The following DMXL2 variants were observed in gnomAD, a reference collection of about 807,000 sequenced individuals.
The protein encoded by DMXL2 is dmX-like protein 2.
A neutral mutation model predicts 331.1 loss-of-function variants in DMXL2; 103 were observed. That is an observed-to-expected ratio of 0.31 (90% CI 0.27 to 0.37). DMXL2 has a LOEUF of 0.37. Among genes scored for constraint, DMXL2 ranks in the 10% least tolerant of loss-of-function variants. The pLI is 1.00. For synonymous variants in DMXL2, 1,281 were observed against 1,252.1 expected (o/e 1.02, Z -0.49); for missense variants, 3,171 against 3,642.9 (o/e 0.87, Z 3.33).
At chr15:51,455,402 T>A (rs1415479238) in intron 39 of DMXL2, among the ~76,000 whole-genome samples, 174 bp from the exon 40 acceptor site, 1 of 152,206 alleles carries the variant, frequency 6.6e-6, no homozygotes, top group Non-Finnish European at 1.5e-5. Context: ...GTCACTTTTT[T>A]TTTAAATTTT....
At chr15:51,618,129 AC>A (rs985618852) in intron 1 of DMXL2, among the ~76,000 whole-genome samples, 1 of 152,144 alleles carries the variant, frequency 6.6e-6, no homozygotes, top group African/African-American at 2.4e-5. Flanking sequence ...CATGTTTCTA[AC>A]CAACCCCTTG....
At position 51,538,378 on chromosome 15, in the gene DMXL2, T is replaced by G. The variant is rs2048399328; in HGVS notation, c.1180A>C (p.Asn394His). ...GATGTAAAATGAAATTCCTTGTTGT[T>G]TAACCAATGAACTACAAAGCCCCCA... is the stretch of plus-strand genomic sequence containing the variant. ...GNGGFVVHWLNNKEFHFTSST... is the reference protein window; with the variant it reads ...GNGGFVVHWLHNKEFHFTSST... Residue 394 changes from asparagine to histidine, a missense_variant, in exon 10 of 44, where the codon AAC (asparagine) becomes CAC (histidine). Transcript: ENST00000560891. The G allele has an allele frequency of 6.2e-7, 1 of 1,613,450 alleles. No homozygotes were observed. The highest frequency in any genetic ancestry group is 1.3e-5 in the African/African-American group (1 of 74,910).
chr15:51,552,198 C>T (rs1027046427), intron 6 of DMXL2, among the ~76,000 whole-genome samples: 5 of 152,176 alleles, frequency 3.3e-5, no homozygotes, highest in African/African-American at 1.2e-4. Flanking sequence ...CAGAGCCTCA[C>T]AGGCCATGGT....
chr15:51,512,640 A>T (rs1234331498), intron 15 of DMXL2, among the ~76,000 whole-genome samples: 1 of 151,870 alleles, frequency 6.6e-6, no homozygotes, highest in Non-Finnish European at 1.5e-5. Context: ...TAAAACTCTG[A>T]CTCTAGTAAT....
intron 8 of DMXL2, among the ~76,000 whole-genome samples, chr15:51,545,180 C>T (rs2048823405): frequency 6.6e-6 from 1 of 151,948 alleles, no homozygotes; most frequent in Non-Finnish European, 1.5e-5. Context: ...TTAACTAGAA[C>T]AATAAGATTT....
intron 6 of DMXL2, among the ~76,000 whole-genome samples, chr15:51,560,259 A>G (rs948012297): frequency 1.3e-5 from 2 of 152,180 alleles, no homozygotes; most frequent in African/African-American, 4.8e-5. Context: ...ATACTTCAAA[A>G]GTAGATACTG....
At chr15:51,482,144 C>G (rs2042060367) in intron 23 of DMXL2, among the ~76,000 whole-genome samples, 1 of 151,984 alleles carries the variant, frequency 6.6e-6, no homozygotes, top group South Asian at 2.1e-4. Context: ...TCACAAAAGG[C>G]AAAATTAAAC....
In DMXL2 at chr15:51,453,660, A is replaced by G. The variant is rs1467313532; in HGVS notation, c.8605-19T>C. The G allele has an allele frequency of 1.2e-6, 2 of 1,600,914 alleles. No homozygotes were observed. The highest frequency in any genetic ancestry group is 2.2e-5 in the South Asian group (2 of 90,608). On this transcript the variant is annotated intron_variant, in intron 40 of 43. Coordinates refer to ENST00000560891, the MANE Select transcript of DMXL2 (RefSeq NM_001378457.1). The stretch of plus-strand genomic sequence containing the variant: ...GCCAACTCTACGAAAAACAAAGTGC[A>G]ACTGATGTTATTTTACCATTGGATA...
intron 1 of DMXL2, among the ~76,000 whole-genome samples, chr15:51,610,406 C>T (rs892506615): frequency 4.6e-5 from 7 of 152,124 alleles, no homozygotes; most frequent in East Asian, 3.8e-4. Flanking sequence ...TGATTAACAA[C>T]CTTGACCTAA....
chr15:51,521,159 T>G (rs1219352022), intron 13 of DMXL2, among the ~76,000 whole-genome samples: 2 of 152,184 alleles, frequency 1.3e-5, no homozygotes, highest in Non-Finnish European at 2.9e-5. Flanking sequence ...CAGCTGGCTC[T>G]TGAGTGACAG....
intron 4 of DMXL2, among the ~76,000 whole-genome samples, chr15:51,564,469 G>A (rs937967403): frequency 6.6e-6 from 1 of 151,784 alleles, no homozygotes; most frequent in Non-Finnish European, 1.5e-5. Flanking sequence ...GAAGATTTGA[G>A]AACAACAAAG....
intron 29 of DMXL2, among the ~76,000 whole-genome samples, chr15:51,467,937 A>G (rs2040746777): frequency 6.6e-6 from 1 of 152,190 alleles, no homozygotes; most frequent in Non-Finnish European, 1.5e-5. Context: ...CGTGTTAGCC[A>G]GGATGGTCCC....
At chr15:51,527,933 G>GGAGTT (rs2047773309) in intron 13 of DMXL2, among the ~76,000 whole-genome samples, 3 of 151,576 alleles carry the variant, frequency 2.0e-5, no homozygotes, top group African/African-American at 7.2e-5. Context: ...AAAAGTTGTA[G>GGAGTT]CAGGACAAAG....
At chr15:51,490,660 GAACAT>G (rs951232127) in intron 20 of DMXL2, among the ~76,000 whole-genome samples, 11 of 152,156 alleles carry the variant, frequency 7.2e-5, no homozygotes, top group Non-Finnish European at 1.2e-4. Context: ...GGGTTGATTA[GAACAT>G]AACATGGAAT....
chr15:51,511,722 C>T (rs1441990389), intron 15 of DMXL2, among the ~76,000 whole-genome samples: 1 of 152,050 alleles, frequency 6.6e-6, no homozygotes. Context: ...ATCATTCTAC[C>T]ATAAAGACAC....
At chr15:51,455,965 C>G in intron 39 of DMXL2, 101 bp downstream of exon 39, 1 of 1,375,204 alleles carries the variant, frequency 7.3e-7, no homozygotes, top group Non-Finnish European at 1.0e-6. Flanking sequence ...CAGTTTAAAT[C>G]CAGGGTCACT....
In DMXL2 at chr15:51,608,259, C is replaced by G. The variant is rs575032622; in HGVS notation, c.87+14200G>C. Among the ~76,000 whole-genome samples the G allele has an allele frequency of 9.8e-4, 149 of 152,096 alleles. 2 individuals carry two copies. The highest frequency in any genetic ancestry group is 3.4e-3 in the African/African-American group (143 of 41,492). ...GCAATCCCATTATTGGGTATATGGC[C>G]AAAGGAATATAAATCGTTATACCAT... On this transcript the variant is annotated intron_variant, in intron 1 of 43. Coordinates refer to ENST00000560891, the MANE Select transcript of DMXL2 (RefSeq NM_001378457.1).
At chr15:51,564,771 GTT>G (rs544046479) in intron 4 of DMXL2, among the ~76,000 whole-genome samples, 2 of 152,012 alleles carry the variant, frequency 1.3e-5, no homozygotes, top group Admixed American at 1.3e-4. Context: ...ATGAGGTGAA[GTT>G]TTTTTGGTCT....
In DMXL2 at chr15:51,481,597, C is replaced by A; in HGVS notation, c.5509G>T (p.Ala1837Ser). 6.4e-7 allele frequency: 1 copy of A among 1,565,054 alleles called. No homozygotes were observed. The highest frequency in any genetic ancestry group is 1.7e-4 in the Middle Eastern group (1 of 5,812). ...QVIIKSCNPV[A>S]FSFYNYLRTH... ...CGAAGGTAGTTATAAAAACTAAATG[C>A]CACCGGGTTACAAGACTTGATGATA... Residue 1837 changes from alanine (A) to serine (S), a missense_variant, in exon 24 of 44, where the codon GCA becomes TCA. Transcript: ENST00000560891.
Sources: gnomAD v4.1 joint callset for allele counts (sites outside exome capture counted in the v4.1 genomes callset) on GRCh38, gnomAD v4.1.1 for gene constraint, MANE v1.5 for transcripts, NCBI Gene and HGNC (gene_info 2026-07-23, HGNC 2026-07-21) for gene names.